GGT1: variants seen among roughly 807,000 people sequenced by gnomAD.
GGT1 encodes the protein glutathione hydrolase 1 proenzyme.
Under a neutral mutation model 56.0 loss-of-function variants are expected in GGT1, and 21 were observed. That is an observed-to-expected ratio of 0.38 (90% CI 0.27 to 0.54). GGT1 has a LOEUF of 0.54. GGT1 is among the 20% of genes least tolerant of loss of function. The probability of loss-of-function intolerance (pLI) is 0.82; values close to 1 mark genes in which losing one functional copy is unlikely to be tolerated. For missense variants in GGT1, 466 were observed against 787.0 expected, an observed-to-expected ratio of 0.59 and a Z score of 4.88; for synonymous variants, 238 against 342.6, an observed-to-expected ratio of 0.69 and a Z score of 3.37.
chr22:24,586,139 A>T, the GGT1 span: 1 of 1,613,286 alleles, frequency 6.2e-7, no homozygotes, highest in Non-Finnish European at 8.5e-7. Flanking sequence ...GGTGTCCTTG[A>T]TGGCATCAGT....
chr22:24,612,282 C>A (rs368224786), intron 5 of GGT1, among the ~76,000 whole-genome samples: 7 of 80,128 alleles, frequency 8.7e-5, no homozygotes, highest in East Asian at 4.1e-4. Flanking sequence ...GAGACAATTT[C>A]TTTCTTTCTT....
At chr22:24,593,184 C>T, upstream of GGT1, 1 of 857,724 alleles carries the variant, frequency 1.2e-6, no homozygotes, top group Non-Finnish European at 1.4e-6. Flanking sequence ...CCACCCCGCG[C>T]CGGAGCGAGG....
At chr22:24,586,101 C>T in the GGT1 span, 1 of 1,612,764 alleles carries the variant, frequency 6.2e-7, no homozygotes, top group East Asian at 2.2e-5. Context: ...TTGCCCAGGT[C>T]CACCCAAGCC....
chr22:24,611,380 G>A (rs2046644727), intron 5 of GGT1, 135 bp downstream of exon 5: 1 of 668,022 alleles, frequency 1.5e-6, no homozygotes, highest in Non-Finnish European at 2.7e-6. Context: ...TTTGGGAAGG[G>A]GACAGTGACT....
the GGT1 span, chr22:24,585,695 G>A: frequency 4.6e-6 from 3 of 657,394 alleles, no homozygotes; most frequent in South Asian, 6.1e-5. Context: ...TCCCACTGAG[G>A]GAAGGCTGAG....
chr22:24,611,237 G>T lies in GGT1; in HGVS notation c.156G>T (p.Lys52Asn), dbSNP rs771566523. ...AVAADAKQCSKIGRDALRDGG... is the reference protein window; with the variant it reads ...AVAADAKQCSNIGRDALRDGG... Reference sequence around the variant, plus strand: ...CCGCGGATGCCAAGCAGTGCTCGAAGATTGGGAGGTGAGCAGGGCAGGGCA... The same window carrying T: ...CCGCGGATGCCAAGCAGTGCTCGAATATTGGGAGGTGAGCAGGGCAGGGCA... The change falls in exon 5 of 16, where the codon AAG (lysine) becomes AAT (asparagine). Residue 52 changes from lysine to asparagine, a missense_variant. Around this residue, in one of 2 missense-constraint regions of GGT1, gnomAD observed 456 missense variants for 716.7 expected, o/e 0.64. Transcript: ENST00000400382. 4 of 1,553,920 alleles carry T rather than the reference G, an allele frequency of 2.6e-6. No homozygotes were observed. The highest frequency in any genetic ancestry group is 1.9e-5 in the Admixed American group (1 of 52,038).
In GGT1 at chr22:24,623,093, C is replaced by T. The variant is rs1405491978; in HGVS notation, c.734-14C>T. The stretch of plus-strand genomic sequence containing the variant: ...CCCATCCCAGCACCCATTTGAGCTG[C>T]TGTCCCATTGCAGGGGGCATTGTGA... On this transcript the variant is annotated splice_polypyrimidine_tract_variant and intron_variant, in intron 9 of 15. Coordinates refer to ENST00000400382, the MANE Select transcript of GGT1 (RefSeq NM_001288833.2). 1.2e-6 allele frequency: 2 copies of T among 1,611,894 alleles called. No individual in the cohort carries two copies. The highest frequency in any genetic ancestry group is 1.7e-5 in the Admixed American group (1 of 60,002).
intron 1 of GGT1, among the ~76,000 whole-genome samples, chr22:24,595,689 A>G (rs2045681189): frequency 6.6e-6 from 1 of 152,220 alleles, no homozygotes; most frequent in African/African-American, 2.4e-5. Context: ...CCAGGAGACA[A>G]GAATTGATGA....
upstream of GGT1, chr22:24,592,573 A>G: frequency 2.2e-6 from 1 of 459,706 alleles, no homozygotes; most frequent in Non-Finnish European, 4.1e-6. Flanking sequence ...CAACACACAC[A>G]ACCCCTCTCA....
chr22:24,620,425 C>T lies in GGT1; in HGVS notation c.480C>T (p.Ser160=), dbSNP rs1248402754. The change falls in exon 8 of 16, where the codon AGC becomes AGT. Residue 160 remains serine, a synonymous_variant. Coordinates refer to ENST00000400382, the MANE Select transcript of GGT1 (RefSeq NM_001288833.2). The surrounding 1 kb of genome is among the most constrained non-coding windows in gnomAD (Gnocchi z 5.6). Reference sequence around the variant, plus strand: ...CCTGGGCTCGCCTCTTCCAGCCCAGCATCCAGCTGGCCCGCCAGGGCTTCC... The same window carrying T: ...CCTGGGCTCGCCTCTTCCAGCCCAGTATCCAGCTGGCCCGCCAGGGCTTCC... The part of the protein sequence containing the change: ...RLPWARLFQP[S]IQLARQGFPV... The T allele has an allele frequency of 6.2e-7, 1 of 1,611,582 alleles. No homozygotes were observed. The highest frequency in any genetic ancestry group is 8.5e-7 in the Non-Finnish European group (1 of 1,179,744).
the GGT1 span, chr22:24,583,789 G>A: frequency 2.1e-6 from 1 of 470,942 alleles, no homozygotes; most frequent in South Asian, 1.5e-5. Context: ...CACCAGCTCG[G>A]GTCCTCGCAC....
At chr22:24,584,285 A>G in the GGT1 span, among the ~76,000 whole-genome samples, 2 of 152,190 alleles carry the variant, frequency 1.3e-5, no homozygotes, top group Non-Finnish European at 1.5e-5. Flanking sequence ...GGGAGCAGAG[A>G]TCCCAAAAAG....
intron 1 of GGT1, among the ~76,000 whole-genome samples, chr22:24,595,163 C>G (rs2045671722): frequency 6.6e-6 from 1 of 152,204 alleles, no homozygotes; most frequent in Non-Finnish European, 1.5e-5. Flanking sequence ...TCTCATCCCC[C>G]ACCCTCTGTG....
the GGT1 span, among the ~76,000 whole-genome samples, chr22:24,585,052 C>T: frequency 6.6e-6 from 1 of 152,110 alleles, no homozygotes; most frequent in Admixed American, 6.5e-5. Flanking sequence ...CACACGGGGA[C>T]CCCCAGGGCC....
At chr22:24,599,511 C>T (rs1382895391), upstream of GGT1, 1 of 152,604 alleles carries the variant, frequency 6.6e-6, no homozygotes, top group African/African-American at 2.4e-5. Flanking sequence ...AGCAGAGGGG[C>T]TGGGACCTGT....
chr22:24,587,748 A>G, the GGT1 span, among the ~76,000 whole-genome samples: 1 of 152,222 alleles, frequency 6.6e-6, no homozygotes, highest in African/African-American at 2.4e-5. Context: ...AGAATTCCCA[A>G]CAAGGTACAG....
intron 1 of GGT1, among the ~76,000 whole-genome samples, chr22:24,607,459 G>C (rs1049893277): frequency 6.6e-6 from 1 of 152,212 alleles, no homozygotes; most frequent in African/African-American, 2.4e-5. Flanking sequence ...CCTTTGGAGG[G>C]AACTGAGTCT....
intron 1 of GGT1, among the ~76,000 whole-genome samples, chr22:24,604,533 A>T (rs866043702): frequency 9.9e-5 from 15 of 152,128 alleles, no homozygotes; most frequent in African/African-American, 3.4e-4. Context: ...GGTGATACTG[A>T]CACCAGAGTC....
chr22:24,604,062 G>C (rs1348792588), intron 1 of GGT1, among the ~76,000 whole-genome samples: 3 of 152,096 alleles, frequency 2.0e-5, no homozygotes, highest in Non-Finnish European at 4.4e-5. Context: ...GAAACTGTGA[G>C]AGACAGATTC....
Sources: allele counts gnomAD v4.1 joint callset (sites outside exome capture counted in the v4.1 genomes callset), GRCh38; gene constraint gnomAD v4.1.1; regional missense constraint gnomAD v4.1.1; non-coding constraint Gnocchi (gnomAD v3.1); transcripts MANE v1.5; gene names NCBI Gene and HGNC (gene_info 2026-07-23, HGNC 2026-07-21).